The following CAPN8 variants were observed in gnomAD, a reference collection of about 807,000 sequenced individuals.
The protein encoded by CAPN8 is calpain-8.
Under a neutral mutation model 80.9 loss-of-function variants are expected in CAPN8, and 87 were observed. That is an observed-to-expected ratio of 1.07 (90% CI 0.90 to 1.28). The LOEUF (loss-of-function observed/expected upper bound fraction) is 1.28. Among genes scored for constraint, CAPN8 ranks in the 50% most tolerant of loss-of-function variants. The pLI is 0.00. For missense variants in CAPN8, 757 were observed against 702.0 expected (o/e 1.08, Z -0.89); for synonymous variants, 299 against 273.8 (o/e 1.09, Z -0.91).
chr1:223,651,601 G>T (rs577178091), intron 2 of CAPN8, among the ~76,000 whole-genome samples: 13 of 152,322 alleles, frequency 8.5e-5, no homozygotes, highest in East Asian at 5.8e-4. Flanking sequence ...CCAGACTTTG[G>T]ACGTGCTGGC....
At chr1:223,553,979 T>G (rs1045168332) in intron 13 of CAPN8, 79 bp from the exon 14 acceptor site, 31 of 397,940 alleles carry the variant, frequency 7.8e-5, no homozygotes, top group Non-Finnish European at 1.1e-4. Flanking sequence ...ATTCATTCCT[T>G]CATCCATTAG....
intron 1 of CAPN8, among the ~76,000 whole-genome samples, chr1:223,661,163 CT>C (rs1349368198): frequency 9.5e-5 from 11 of 115,814 alleles, no homozygotes; most frequent in Non-Finnish European, 2.1e-4. Flanking sequence ...GAGACCCTGT[CT>C]TAAAAAAAAA....
In CAPN8 at chr1:223,665,596, A is replaced by T. The variant is rs1303128504; in HGVS notation, c.51T>A (p.Gly17=). 6.4e-7 allele frequency: 1 copy of T among 1,551,616 alleles called. No individual in the cohort carries two copies. Among genetic ancestry groups the T allele is most frequent in the East Asian group, 2.4e-5 (1 of 40,902 alleles). ...GVSRQRAATQ[G]LGSNQNALKY... is the part of the protein sequence containing the mutation. Reference sequence around the variant, plus strand: ...TCAAAGCGTTTTGGTTGGAGCCAAGACCTTGAGTGGCTGCCCGCTGCCTAG... The same window carrying T: ...TCAAAGCGTTTTGGTTGGAGCCAAGTCCTTGAGTGGCTGCCCGCTGCCTAG... Residue 17 remains glycine, a synonymous_variant, in exon 1 of 21, where the codon GGT becomes GGA. Transcript: ENST00000366872.
At chr1:223,620,779 G>A (rs1251792430) in intron 7 of CAPN8, among the ~76,000 whole-genome samples, 4 of 152,156 alleles carry the variant, frequency 2.6e-5, no homozygotes, top group African/African-American at 9.7e-5. Flanking sequence ...TGATCATCCA[G>A]CCCAGTTTTA....
At chr1:223,557,895 T>G (rs986395556) in intron 13 of CAPN8, among the ~76,000 whole-genome samples, 5 of 152,184 alleles carry the variant, frequency 3.3e-5, no homozygotes, top group Non-Finnish European at 5.9e-5. Context: ...TTATCAAACA[T>G]GGAAGACGAT....
Position 223,541,722 on chromosome 1 carries a change from G to A in CAPN8, c.*114C>T. On this transcript the variant is annotated 3_prime_UTR_variant, in exon 21 of 21. Coordinates refer to ENST00000366872, the MANE Select transcript of CAPN8 (RefSeq NM_001143962.2). Reference sequence around the variant, plus strand: ...CTGAAATAGACCCAGGGCAAGAAAGGTATGAACAACCAGTGAATGCCACTG... The same window carrying A: ...CTGAAATAGACCCAGGGCAAGAAAGATATGAACAACCAGTGAATGCCACTG... 6.6e-7 allele frequency: 1 copy of A among 1,504,492 alleles called. No homozygotes were observed. Among genetic ancestry groups the A allele is most frequent in the South Asian group, 1.2e-5 (1 of 83,002 alleles). 93.2% of individuals were successfully genotyped at this position (1,504,492 alleles called of 1,614,324 possible).
intron 15 of CAPN8, 122 bp from the exon 16 acceptor site, chr1:223,549,504 G>A: frequency 7.0e-7 from 1 of 1,432,564 alleles, no homozygotes; most frequent in Non-Finnish European, 9.5e-7. Context: ...CTTGGTCTCT[G>A]CCAAAAGGGG....
chr1:223,656,374 C>T (rs868585994), intron 1 of CAPN8, among the ~76,000 whole-genome samples: 1 of 152,012 alleles, frequency 6.6e-6, no homozygotes, highest in African/African-American at 2.4e-5. Context: ...GAGGCTGAGG[C>T]AGGAGAACCC....
At chr1:223,647,264 T>C (rs916502859) in intron 2 of CAPN8, among the ~76,000 whole-genome samples, 9 of 152,200 alleles carry the variant, frequency 5.9e-5, no homozygotes, top group Non-Finnish European at 1.2e-4. Context: ...GACCCCAAAC[T>C]CATTATGCTA....
intron 10 of CAPN8, among the ~76,000 whole-genome samples, chr1:223,615,491 C>T (rs991321302): frequency 2.0e-5 from 3 of 152,198 alleles, no homozygotes; most frequent in African/African-American, 7.2e-5. Flanking sequence ...AAAATGGGCA[C>T]GTGGTTTCCA....
At chr1:223,547,716 C>A (rs1298077131) in intron 16 of CAPN8, among the ~76,000 whole-genome samples, 1 of 152,118 alleles carries the variant, frequency 6.6e-6, no homozygotes, top group Non-Finnish European at 1.5e-5. Flanking sequence ...GGAACAGAAA[C>A]TCCTGAAGAG....
At position 223,541,750 on chromosome 1, in the gene CAPN8, G is replaced by T; in HGVS notation, c.*86C>A. 6.5e-7 allele frequency: 1 copy of T among 1,544,998 alleles called. No homozygotes were observed. The highest frequency in any genetic ancestry group is 2.0e-5 in the Admixed American group (1 of 50,994). On this transcript the variant is annotated 3_prime_UTR_variant, in exon 21 of 21. Transcript: ENST00000366872. ...TGAACAACCAGTGAATGCCACTGGA[G>T]CATAAATGTTCACAAAATTGTAGAG...
chr1:223,652,552 A>G (rs1478072885), intron 2 of CAPN8, among the ~76,000 whole-genome samples: 1 of 152,002 alleles, frequency 6.6e-6, no homozygotes, highest in East Asian at 1.9e-4. Context: ...TTAATCTCTC[A>G]CAATTCACCC....
chr1:223,557,446 C>T (rs1656930694), intron 13 of CAPN8, among the ~76,000 whole-genome samples: 1 of 152,190 alleles, frequency 6.6e-6, no homozygotes, highest in Admixed American at 6.5e-5. Context: ...CCCACCCAGG[C>T]CAGTGCCCAC....
chr1:223,556,762 C>A (rs1656914961), intron 13 of CAPN8, among the ~76,000 whole-genome samples: 1 of 151,970 alleles, frequency 6.6e-6, no homozygotes, highest in Non-Finnish European at 1.5e-5. Flanking sequence ...CCTTCCCATC[C>A]AAAAAAGGAG....
At chr1:223,544,709 G>A (rs1656570950) in intron 18 of CAPN8, 63 bp downstream of exon 18, 4 of 1,543,116 alleles carry the variant, frequency 2.6e-6, no homozygotes, top group Non-Finnish European at 3.5e-6. Context: ...ATCATCATGA[G>A]AATAAATATT....
chr1:223,614,757 C>G (rs1454580376), intron 10 of CAPN8, among the ~76,000 whole-genome samples: 1 of 152,146 alleles, frequency 6.6e-6, no homozygotes, highest in East Asian at 1.9e-4. Context: ...CAGCACAGCA[C>G]CCGGCACATA....
At chr1:223,628,189 G>T in intron 3 of CAPN8, 47 bp from the exon 4 acceptor site, 1 of 1,503,032 alleles carries the variant, frequency 6.7e-7, no homozygotes. Context: ...AAGCAGATGT[G>T]TAAAGGGAGT....
At chr1:223,649,357 A>G (rs1354292159) in intron 2 of CAPN8, among the ~76,000 whole-genome samples, 1 of 152,210 alleles carries the variant, frequency 6.6e-6, no homozygotes, top group Non-Finnish European at 1.5e-5. Context: ...AGCCTGTGAG[A>G]AACAGGCTTA....
Sources: gnomAD v4.1 joint callset for allele counts (sites outside exome capture counted in the v4.1 genomes callset) on GRCh38, gnomAD v4.1.1 for gene constraint, MANE v1.5 for transcripts, NCBI Gene and HGNC (gene_info 2026-07-23, HGNC 2026-07-21) for gene names.